GLIS3: variants seen among roughly 807,000 people sequenced by gnomAD.
GLIS3 encodes zinc finger protein GLIS3.
Under a neutral mutation model 78.6 loss-of-function variants are expected in GLIS3, and 53 were observed. The ratio of observed to expected loss-of-function variants is 0.67; its 90% CI spans 0.54 to 0.85. The LOEUF is 0.85. Ranked by LOEUF, GLIS3 falls within the 40% of genes least tolerant of loss-of-function variation. GLIS3 has a pLI of 0.00. For missense variants in GLIS3, 1,703 were observed against 1,231.1 expected (o/e 1.38, Z -5.74); for synonymous variants, 684 against 509.9 (o/e 1.34, Z -4.60).
intron 4 of GLIS3, among the ~76,000 whole-genome samples, chr9:4,116,211 A>G (rs1831625223): frequency 6.6e-6 from 1 of 152,266 alleles, no homozygotes; most frequent in African/African-American, 2.4e-5. Context: ...ATTTTCAGCC[A>G]GGATTAGTCA....
chr9:4,251,122 C>A (rs988862420), intron 2 of GLIS3, among the ~76,000 whole-genome samples: 3 of 152,266 alleles, frequency 2.0e-5, no homozygotes, highest in East Asian at 1.9e-4. Flanking sequence ...TCTATTAGGT[C>A]CACTTGGTCC....
chr9:3,910,628 G>A (rs1207054403), intron 6 of GLIS3, among the ~76,000 whole-genome samples: 1 of 152,218 alleles, frequency 6.6e-6, no homozygotes, highest in African/African-American at 2.4e-5. Flanking sequence ...TGAGATTACA[G>A]AGGCAGGCCA....
intron 10 of GLIS3, 126 bp from the exon 11 acceptor site, chr9:3,828,534 G>A: frequency 1.7e-6 from 2 of 1,197,990 alleles, no homozygotes; most frequent in Non-Finnish European, 1.2e-6. Context: ...ATGCCAGCCT[G>A]GGCCCTATAG....
chr9:4,009,439 G>A (rs1048036970), intron 4 of GLIS3, among the ~76,000 whole-genome samples: 3 of 152,200 alleles, frequency 2.0e-5, no homozygotes, highest in African/African-American at 7.2e-5. Context: ...CTGCTGGCCA[G>A]CAAGGTGCAG....
At chr9:4,177,980 T>C (rs1816956306) in intron 2 of GLIS3, among the ~76,000 whole-genome samples, 1 of 152,220 alleles carries the variant, frequency 6.6e-6, no homozygotes. Context: ...CAGCTGAAAC[T>C]GAGTGTCAAA....
At chr9:4,407,658 A>AAAAAG in the GLIS3 span, among the ~76,000 whole-genome samples, 6 of 152,190 alleles carry the variant, frequency 3.9e-5, no homozygotes, top group Non-Finnish European at 8.8e-5. Context: ...AACAAAAAGG[A>AAAAAG]AAAAGAAAAA....
the GLIS3 span, among the ~76,000 whole-genome samples, chr9:4,416,255 A>T: frequency 5.2e-5 from 7 of 133,622 alleles, no homozygotes; most frequent in Non-Finnish European, 3.2e-5. Context: ...CTGTTTTTAA[A>T]AAAAAAAAAA....
At chr9:3,989,663 A>T (rs1472094038) in intron 4 of GLIS3, among the ~76,000 whole-genome samples, 5 of 152,194 alleles carry the variant, frequency 3.3e-5, no homozygotes. Flanking sequence ...TGTATGCAAC[A>T]TTTCTTAAAT....
At chr9:4,106,245 G>A (rs546237737) in intron 4 of GLIS3, among the ~76,000 whole-genome samples, 1 of 152,146 alleles carries the variant, frequency 6.6e-6, no homozygotes, top group Non-Finnish European at 1.5e-5. Context: ...TCAGAGAACA[G>A]GTAGAGTTTT....
At chr9:4,464,125 CTG>C in the GLIS3 span, among the ~76,000 whole-genome samples, 68 of 152,144 alleles carry the variant, frequency 4.5e-4, no homozygotes, top group African/African-American at 1.6e-3. Flanking sequence ...CTTTTCATTT[CTG>C]TGTCAGGTTT....
the GLIS3 span, among the ~76,000 whole-genome samples, chr9:4,373,745 G>A: frequency 2.7e-5 from 4 of 149,402 alleles, no homozygotes; most frequent in African/African-American, 9.9e-5. Flanking sequence ...CTCGGCTCAT[G>A]CAACCTCCAC....
intron 9 of GLIS3, among the ~76,000 whole-genome samples, chr9:3,852,087 G>A (rs777956381): frequency 6.6e-6 from 1 of 151,916 alleles, no homozygotes. Context: ...GGAGGTTGCA[G>A]TGAGCCAAGA....
At chr9:4,245,352 A>G (rs1217340809) in intron 2 of GLIS3, among the ~76,000 whole-genome samples, 1 of 152,212 alleles carries the variant, frequency 6.6e-6, no homozygotes, top group Non-Finnish European at 1.5e-5. Context: ...GTTGCCTAGG[A>G]ATCGGAAGAC....
intron 4 of GLIS3, among the ~76,000 whole-genome samples, chr9:4,072,234 AG>A (rs1459205549): frequency 6.6e-6 from 1 of 152,198 alleles, no homozygotes; most frequent in Non-Finnish European, 1.5e-5. Flanking sequence ...TGATAATATT[AG>A]TTAGGCTTGA....
At chr9:4,130,561 G>A (rs1395029072) in intron 2 of GLIS3, among the ~76,000 whole-genome samples, 1 of 152,358 alleles carries the variant, frequency 6.6e-6, no homozygotes, top group East Asian at 1.9e-4. Context: ...CTGCTTCAGA[G>A]GGTGCAAACC....
intron 2 of GLIS3, among the ~76,000 whole-genome samples, chr9:4,220,291 G>C (rs924443046): frequency 1.9e-4 from 29 of 152,224 alleles, no homozygotes; most frequent in African/African-American, 7.0e-4. Flanking sequence ...CCTAAGAGCA[G>C]AGGGTAAAAG....
chr9:4,030,623 A>G (rs1477809135), intron 4 of GLIS3, among the ~76,000 whole-genome samples: 1 of 152,184 alleles, frequency 6.6e-6, no homozygotes, highest in Admixed American at 6.5e-5. Context: ...ACAGGGGTCA[A>G]CTTTCATTCT....
intron 2 of GLIS3, among the ~76,000 whole-genome samples, chr9:4,134,500 T>C (rs1003046745): frequency 2.0e-5 from 3 of 152,196 alleles, no homozygotes; most frequent in African/African-American, 7.2e-5. Context: ...CTCTTAGCCT[T>C]AGTTTCTTCC....
At chr9:4,357,647 T>C in the GLIS3 span, among the ~76,000 whole-genome samples, 7 of 152,078 alleles carry the variant, frequency 4.6e-5, no homozygotes, top group South Asian at 2.1e-4. Context: ...AAATGACTCA[T>C]TGACTCACGT....
Sources: gnomAD v4.1 joint callset for allele counts (sites outside exome capture counted in the v4.1 genomes callset) on GRCh38, gnomAD v4.1.1 for gene constraint, MANE v1.5 for transcripts, NCBI Gene and HGNC (gene_info 2026-07-23, HGNC 2026-07-21) for gene names.